STAB2: variants seen among roughly 807,000 people sequenced by gnomAD.
STAB2 encodes stabilin 2.
In STAB2, 288 loss-of-function variants were observed where a neutral mutation model predicts 338.1. That is an observed-to-expected ratio of 0.85 (90% CI 0.77 to 0.94). The LOEUF is 0.94. Among genes scored for constraint, STAB2 ranks in the 40% least tolerant of loss-of-function variants. The probability of loss-of-function intolerance (pLI) is 0.00; values close to 1 mark genes in which losing one functional copy is unlikely to be tolerated. For missense variants in STAB2, 3,141 were observed against 3,210.1 expected, an observed-to-expected ratio of 0.98 and a Z score of 0.52; for synonymous variants, 1,202 against 1,193.3, an observed-to-expected ratio of 1.01 and a Z score of -0.15.
In STAB2 at chr12:103,660,749, A is replaced by G; in HGVS notation, c.1855A>G (p.Asn619Asp). ...RSMANQLIQF[N>D]TTDNGQILAN... The stretch of plus-strand genomic sequence containing the variant: ...CATGGCCAACCAGCTCATACAGTTC[A>G]ACACCACCGACAATGTAAGTGAAAA... The change falls in exon 17 of 69, where the codon AAC becomes GAC. Residue 619 changes from asparagine to aspartate, a missense_variant. Physicochemically the swap from Asn to Asp is conservative, Grantham distance 23. Transcript: ENST00000388887. 6.2e-7 allele frequency: 1 copy of G among 1,614,080 alleles called. No individual in the cohort carries two copies. The highest frequency in any genetic ancestry group is 8.5e-7 in the Non-Finnish European group (1 of 1,179,992).
intron 38 of STAB2, 109 bp from the exon 39 acceptor site, chr12:103,708,332 T>C: frequency 9.2e-7 from 1 of 1,086,860 alleles, no homozygotes. Context: ...CTATGATTCC[T>C]AGAAGTAGGT....
chr12:103,741,135 A>T (rs1297431382), intron 55 of STAB2, among the ~76,000 whole-genome samples: 1 of 152,172 alleles, frequency 6.6e-6, no homozygotes, highest in Non-Finnish European at 1.5e-5. Context: ...GTACTGACAC[A>T]GTATGTATGG....
chr12:103,696,278 TG>T (rs1878399361), intron 33 of STAB2, among the ~76,000 whole-genome samples: 1 of 151,720 alleles, frequency 6.6e-6, no homozygotes, highest in Non-Finnish European at 1.5e-5. Context: ...GGCTCAGGGG[TG>T]GCTTCTCGGG....
intron 3 of STAB2, among the ~76,000 whole-genome samples, chr12:103,605,505 AT>A (rs1285621598): frequency 1.3e-5 from 2 of 152,098 alleles, no homozygotes; most frequent in East Asian, 3.9e-4. Flanking sequence ...AAGAAATATG[AT>A]TCAATATCCT....
chr12:103,728,789 T>C (rs1881408740), intron 47 of STAB2, 60 bp from the exon 48 acceptor site: 1 of 1,602,476 alleles, frequency 6.2e-7, no homozygotes, highest in South Asian at 1.1e-5. Flanking sequence ...GAGAGCCAAA[T>C]GGCACATTGC....
chr12:103,761,229 A>C (rs1884511756), intron 65 of STAB2, 71 bp from the exon 66 acceptor site: 1 of 1,455,760 alleles, frequency 6.9e-7, no homozygotes, highest in Non-Finnish European at 9.6e-7. Flanking sequence ...GGGAAAATTG[A>C]ACAACTTCCC....
intron 57 of STAB2, chr12:103,746,388 G>C: frequency 2.0e-6 from 1 of 501,290 alleles, no homozygotes; most frequent in South Asian, 2.6e-5. Flanking sequence ...TGACATTGCA[G>C]AGATCATGTC....
intron 25 of STAB2, among the ~76,000 whole-genome samples, chr12:103,679,506 T>C (rs960516696): frequency 7.2e-5 from 11 of 152,086 alleles, no homozygotes; most frequent in Admixed American, 1.3e-4. Context: ...AGAAGCACAC[T>C]ACACCCAGGC....
chr12:103,725,588 G>A (rs923873261), intron 45 of STAB2, among the ~76,000 whole-genome samples: 4 of 151,944 alleles, frequency 2.6e-5, no homozygotes, highest in Non-Finnish European at 5.9e-5. Flanking sequence ...GTACACGTGT[G>A]TGTGCATGTG....
chr12:103,708,445 T>C lies in STAB2; in HGVS notation c.4197T>C (p.Cys1399=), dbSNP rs1185975581. 8 of 1,613,978 alleles carry C rather than the reference T, an allele frequency of 5.0e-6. 1 individual carries two copies. In the Admixed American group the frequency reaches 1.3e-4, roughly 27 times the overall value. The change falls in exon 39 of 69, where the codon TGT becomes TGC. Residue 1399 remains cysteine, a synonymous_variant. Coordinates refer to ENST00000388887, the MANE Select transcript of STAB2 (RefSeq NM_017564.10). ...GCAGGTGATTTTCCCACTTAGCATG[T>C]TCTTGTGTCCATGGGAGATGCAACC... ...GKYGIHCDQA[C]SCVHGRCNQG... is the part of the protein sequence containing the mutation.
intron 3 of STAB2, among the ~76,000 whole-genome samples, chr12:103,618,465 G>A (rs1957245694): frequency 6.6e-6 from 1 of 152,186 alleles, no homozygotes; most frequent in Non-Finnish European, 1.5e-5. Flanking sequence ...TTTTGTTATA[G>A]CAGCCTGAAT....
intron 56 of STAB2, among the ~76,000 whole-genome samples, chr12:103,743,760 C>A (rs1882777438): frequency 6.6e-6 from 1 of 152,144 alleles, no homozygotes; most frequent in Admixed American, 6.5e-5. Context: ...GTGAGATGAG[C>A]AAGTGCAAAG....
intron 2 of STAB2, chr12:103,592,255 A>C (rs954107029): frequency 7.0e-6 from 1 of 143,852 alleles, no homozygotes; most frequent in African/African-American, 2.7e-5. Context: ...CTTTCTGAAA[A>C]AAGAAAAGAA....
chr12:103,690,083 G>C, intron 29 of STAB2, 101 bp downstream of exon 29: 1 of 1,482,612 alleles, frequency 6.7e-7, no homozygotes, highest in Non-Finnish European at 9.1e-7. Context: ...CTTCAAATTC[G>C]TGGAGCTGAA....
chr12:103,729,406 CT>C (rs1167668505), intron 48 of STAB2, among the ~76,000 whole-genome samples: 6 of 152,188 alleles, frequency 3.9e-5, no homozygotes, highest in Non-Finnish European at 7.4e-5. Flanking sequence ...TCCTCTTTCT[CT>C]TTTTTTCCTT....
rs187101754 is a variant in STAB2, at chr12:103,622,620, A to G, written c.487+509A>G. Among the ~76,000 whole-genome samples, 46 of 152,384 alleles carry G rather than the reference A, an allele frequency of 3.0e-4. 1 individual carries two copies. Among genetic ancestry groups the G allele is most frequent in the African/African-American group, 1.1e-3 (46 of 41,588 alleles). ...AGTACAGAGTCCTTATCAAGTCATG[A>G]TTAGTTCACTTTAACATGTGTAACC... is the stretch of plus-strand genomic sequence containing the variant. On this transcript the variant is annotated intron_variant, in intron 5 of 68. Transcript: ENST00000388887.
At chr12:103,615,433 A>T (rs1397729297) in intron 3 of STAB2, among the ~76,000 whole-genome samples, 5 of 152,166 alleles carry the variant, frequency 3.3e-5, no homozygotes, top group African/African-American at 1.2e-4. Flanking sequence ...CCTCTAGCCA[A>T]AATCACCCAC....
chr12:103,725,998 A>G, intron 45 of STAB2, 118 bp from the exon 46 acceptor site: 1 of 1,019,800 alleles, frequency 9.8e-7, no homozygotes, highest in Admixed American at 2.0e-5. Flanking sequence ...AGCTCCAAAA[A>G]GGCCCGGTGT....
chr12:103,649,367 G>C (rs1282484146), intron 10 of STAB2, among the ~76,000 whole-genome samples: 1 of 152,194 alleles, frequency 6.6e-6, no homozygotes, highest in Non-Finnish European at 1.5e-5. Context: ...CCCCAGGCAA[G>C]GTGAGAGCCT....
Sources: gnomAD v4.1 joint callset for allele counts (sites outside exome capture counted in the v4.1 genomes callset) on GRCh38, gnomAD v4.1.1 for gene constraint, MANE v1.5 for transcripts, NCBI Gene and HGNC (gene_info 2026-07-23, HGNC 2026-07-21) for gene names.